Variants in COLEC10 observed in about 807,000 individuals in gnomAD.
The protein encoded by COLEC10 is collectin-10.
COLEC10 carries 22 observed loss-of-function variants against 28.4 expected under a neutral mutation model. The observed-to-expected ratio is 0.78, with a 90% CI of 0.55 to 1.11. COLEC10 has a LOEUF of 1.11. Among genes scored for constraint, COLEC10 ranks in the 50% least tolerant of loss-of-function variants. COLEC10 has a pLI of 0.00. For synonymous variants in COLEC10, 125 were observed against 116.1 expected (o/e 1.08, Z -0.49); for missense variants, 361 against 344.1 (o/e 1.05, Z -0.39).
chr8:118,998,615 GA>G (rs1474955165), intron 1 of COLEC10, among the ~76,000 whole-genome samples: 19 of 151,202 alleles, frequency 1.3e-4, no homozygotes, highest in Non-Finnish European at 2.9e-5. Context: ...GAGGCAGGTG[GA>G]TCACGAGGTC....
chr8:119,049,386 T>C (rs1053270082), intron 2 of COLEC10, among the ~76,000 whole-genome samples: 3 of 148,212 alleles, frequency 2.0e-5, no homozygotes, highest in Non-Finnish European at 4.5e-5. Flanking sequence ...TGATGAAGCA[T>C]AGGTATTTTC....
the COLEC10 span, among the ~76,000 whole-genome samples, chr8:118,958,195 G>A: frequency 6.6e-6 from 1 of 152,136 alleles, no homozygotes; most frequent in East Asian, 1.9e-4. Flanking sequence ...TTTCTTCTCA[G>A]GTGCATGAAA....
chr8:119,093,546 C>T lies in COLEC10; in HGVS notation c.292+2326C>T, dbSNP rs577965286. ...AGTCCTCATGTGTTTCAGTCCTTCC[C>T]AAGATGCTGATAAAAGCCACAGCAA... is the stretch of plus-strand genomic sequence containing the variant. On this transcript the variant is annotated intron_variant, in intron 3 of 5. Transcript: ENST00000332843. Among the ~76,000 whole-genome samples, 5 of 152,210 alleles carry T rather than the reference C, an allele frequency of 3.3e-5. No individual in the cohort carries two copies. In the East Asian group the frequency reaches 9.7e-4, roughly 29 times the overall value.
chr8:119,016,057 G>A (rs189225830), intron 2 of COLEC10, among the ~76,000 whole-genome samples: 20 of 152,124 alleles, frequency 1.3e-4, no homozygotes, highest in Admixed American at 5.9e-4. Context: ...TTTAAGTTCT[G>A]GGATACATGT....
chr8:119,036,491 T>A (rs922685720), intron 2 of COLEC10, among the ~76,000 whole-genome samples: 1 of 152,206 alleles, frequency 6.6e-6, no homozygotes, highest in African/African-American at 2.4e-5. Flanking sequence ...GTAAGTATAT[T>A]GAACATTTTG....
intron 2 of COLEC10, among the ~76,000 whole-genome samples, chr8:119,047,297 C>G (rs1162025732): frequency 6.6e-6 from 1 of 152,162 alleles, no homozygotes; most frequent in Non-Finnish European, 1.5e-5. Flanking sequence ...GGTAATGGAT[C>G]AAGCAGCCAG....
At chr8:119,049,493 C>T (rs969572021) in intron 2 of COLEC10, among the ~76,000 whole-genome samples, 1 of 138,048 alleles carries the variant, frequency 7.2e-6, no homozygotes, top group African/African-American at 2.7e-5. Context: ...GGGCTCACTG[C>T]AGGCTTCGCC....
intron 4 of COLEC10, 49 bp downstream of exon 4, chr8:119,102,450 T>G: frequency 7.0e-7 from 1 of 1,420,552 alleles, no homozygotes; most frequent in South Asian, 1.2e-5. Context: ...ATTCCAAGTT[T>G]ATTCATCTCA....
At chr8:119,051,446 T>C (rs912498358) in intron 2 of COLEC10, among the ~76,000 whole-genome samples, 2 of 152,176 alleles carry the variant, frequency 1.3e-5, no homozygotes, top group Non-Finnish European at 2.9e-5. Context: ...TGGAGATAAT[T>C]TATCTATTGA....
At chr8:119,047,317 G>T (rs939076397) in intron 2 of COLEC10, among the ~76,000 whole-genome samples, 1 of 152,146 alleles carries the variant, frequency 6.6e-6, no homozygotes, top group Non-Finnish European at 1.5e-5. Context: ...GAAAATCATG[G>T]ACTCATTTCA....
chr8:118,981,231 T>G, the COLEC10 span, among the ~76,000 whole-genome samples: 1 of 152,108 alleles, frequency 6.6e-6, no homozygotes, highest in Non-Finnish European at 1.5e-5. Context: ...TCTATACTCT[T>G]GGTTTAAAAC....
chr8:119,042,210 C>G (rs1393103569), intron 2 of COLEC10, among the ~76,000 whole-genome samples: 1 of 151,632 alleles, frequency 6.6e-6, no homozygotes, highest in Non-Finnish European at 1.5e-5. Flanking sequence ...GTTGGCCAGG[C>G]TGGTCTCGAA....
At chr8:119,037,465 C>G (rs1169913948) in intron 2 of COLEC10, among the ~76,000 whole-genome samples, 1 of 152,014 alleles carries the variant, frequency 6.6e-6, no homozygotes, top group Non-Finnish European at 1.5e-5. Context: ...TTATTCAGCA[C>G]TGATAGTATG....
At chr8:118,952,613 CAG>C in the COLEC10 span, among the ~76,000 whole-genome samples, 1 of 152,192 alleles carries the variant, frequency 6.6e-6, no homozygotes, top group South Asian at 2.1e-4. Context: ...TAGTTAGAGC[CAG>C]AGAGAATCTG....
chr8:118,960,785 G>GGAAAA, the COLEC10 span, among the ~76,000 whole-genome samples: 10 of 72,558 alleles, frequency 1.4e-4, 1 homozygote, highest in African/African-American at 4.5e-4. Flanking sequence ...GAGACTCTGT[G>GGAAAA]AAAAAAAAAA....
chr8:118,979,580 A>G, the COLEC10 span, among the ~76,000 whole-genome samples: 1 of 152,196 alleles, frequency 6.6e-6, no homozygotes, highest in Admixed American at 6.6e-5. Flanking sequence ...AATATTTTGT[A>G]AATATGCTTG....
chr8:119,013,660 G>A (rs577401047), intron 2 of COLEC10, among the ~76,000 whole-genome samples: 2 of 150,638 alleles, frequency 1.3e-5, no homozygotes, highest in South Asian at 4.2e-4. Flanking sequence ...GTGTTGTTAG[G>A]CATATACATA....
At chr8:119,011,621 TATTA>T (rs1262194460) in intron 2 of COLEC10, among the ~76,000 whole-genome samples, 4 of 151,072 alleles carry the variant, frequency 2.6e-5, no homozygotes, top group Non-Finnish European at 4.4e-5. Flanking sequence ...TTATTTAGTA[TATTA>T]ATTTCTTTCA....
chr8:119,013,602 T>G (rs974946503), intron 2 of COLEC10, among the ~76,000 whole-genome samples: 1 of 150,868 alleles, frequency 6.6e-6, no homozygotes, highest in Admixed American at 6.6e-5. Context: ...TAACAGTGGA[T>G]TAATCAATTT....
Sources: allele counts gnomAD v4.1 joint callset (sites outside exome capture counted in the v4.1 genomes callset), GRCh38; gene constraint gnomAD v4.1.1; transcripts MANE v1.5; gene names NCBI Gene and HGNC (gene_info 2026-07-23, HGNC 2026-07-21).